The following STK17B variants were observed in gnomAD, a reference collection of about 807,000 sequenced individuals.
The protein encoded by STK17B is serine/threonine-protein kinase 17B.
A neutral mutation model predicts 42.0 loss-of-function variants in STK17B; 21 were observed. That is an observed-to-expected ratio of 0.50 (90% CI 0.35 to 0.72). The LOEUF is 0.72. Among genes scored for constraint, STK17B ranks in the 30% least tolerant of loss-of-function variants. The pLI is 0.00. For synonymous variants in STK17B, 143 were observed against 148.4 expected (o/e 0.96, Z 0.26); for missense variants, 349 against 446.0 (o/e 0.78, Z 1.96).
intron 2 of STK17B, among the ~76,000 whole-genome samples, chr2:196,161,499 G>A (rs1057393371): frequency 2.0e-4 from 28 of 136,634 alleles, no homozygotes; most frequent in Non-Finnish European, 3.0e-4. Context: ...CAGTGAGGTA[G>A]ATATTATAAT....
At chr2:196,148,319 G>A (rs552204310) in intron 3 of STK17B, among the ~76,000 whole-genome samples, 2 of 152,238 alleles carry the variant, frequency 1.3e-5, no homozygotes, top group Admixed American at 1.3e-4. Context: ...GACTGGCAGT[G>A]ACACCATCAC....
chr2:196,144,138 G>C (rs1699533260), intron 4 of STK17B, among the ~76,000 whole-genome samples: 1 of 151,372 alleles, frequency 6.6e-6, no homozygotes, highest in Non-Finnish European at 1.5e-5. Context: ...AGGAGTTCAA[G>C]AGTAGCCTGT....
At chr2:196,168,222 G>T (rs1349146182) in intron 1 of STK17B, among the ~76,000 whole-genome samples, 1 of 152,124 alleles carries the variant, frequency 6.6e-6, no homozygotes, top group Non-Finnish European at 1.5e-5. Flanking sequence ...CTATCCAAGG[G>T]CTGAAGTGTC....
At chr2:196,165,992 C>G (rs181753039) in intron 1 of STK17B, 45 of 152,284 alleles carry the variant, frequency 3.0e-4, no homozygotes, top group African/African-American at 9.6e-4. Context: ...CTTCTTAGTT[C>G]TGATAGCGCT....
At chr2:196,171,223 C>G (rs1699938468) in intron 1 of STK17B, 110 bp downstream of exon 1, 2 of 152,338 alleles carry the variant, frequency 1.3e-5, no homozygotes, top group East Asian at 1.9e-4. Flanking sequence ...CCGGACCGTA[C>G]CGCCTAAACC....
chr2:196,171,209 T>TA (rs2105720424), intron 1 of STK17B, 124 bp downstream of exon 1: 1 of 152,256 alleles, frequency 6.6e-6, no homozygotes, highest in African/African-American at 2.4e-5. Context: ...CAAGCCCCTC[T>TA]CAGCCGGACC....
rs1410253955 is a variant in STK17B, at chr2:196,162,881, C to G, written c.122+381G>C. ...CTCCAGCTTGAGCAACAGAGTGAGA[C>G]CCCGCCACAAACAAAAATTAAAAAA... On this transcript the variant is annotated intron_variant, in intron 2 of 7. Coordinates refer to ENST00000263955, the MANE Select transcript of STK17B (RefSeq NM_004226.4). 2.0e-5 allele frequency among the ~76,000 whole-genome samples: 3 copies of G among 151,970 alleles called. No homozygotes were observed. The South Asian group carries it at 6.2e-4, about 32-fold the overall frequency.
chr2:196,163,077 C>T (rs910516387), intron 2 of STK17B, among the ~76,000 whole-genome samples, 185 bp downstream of exon 2: 10 of 152,080 alleles, frequency 6.6e-5, no homozygotes, highest in African/African-American at 2.4e-4. Flanking sequence ...TTTAAGTTCA[C>T]TAAACCCTCC....
chr2:196,171,376 G>A lies in STK17B; in HGVS notation c.-88C>T, dbSNP rs959032854. 1 of 152,362 alleles carries A rather than the reference G, an allele frequency of 6.6e-6. No homozygotes were observed. The highest frequency in any genetic ancestry group is 6.5e-5 in the Admixed American group (1 of 15,288). The allele number at this position is 152,362 out of a possible 1,614,324, so 9.4% of individuals were successfully genotyped here. On this transcript the variant is annotated 5_prime_UTR_variant, in exon 1 of 8. Transcript: ENST00000263955. Reference sequence around the variant, plus strand: ...TTCTCCCGGGACTGCCCCCTCCAGGGGGCCGCTGTCCCGCCCCACGCCGGG... The same window carrying A: ...TTCTCCCGGGACTGCCCCCTCCAGGAGGCCGCTGTCCCGCCCCACGCCGGG...
intron 3 of STK17B, chr2:196,153,255 C>CAAAAAAAAAAAAAAAAAAAAAAA (rs397704679): frequency 9.2e-6 from 1 of 108,590 alleles, no homozygotes; most frequent in Non-Finnish European, 1.9e-5. Context: ...AAACAATGTC[C>CAAAAAAAAAAAAAAAAAAAAAAA]AAAAAAAAAA....
At chr2:196,167,344 T>G (rs1699886090) in intron 1 of STK17B, among the ~76,000 whole-genome samples, 1 of 152,196 alleles carries the variant, frequency 6.6e-6, no homozygotes, top group African/African-American at 2.4e-5. Context: ...TGCCACCCGG[T>G]AGGAATTTTA....
chr2:196,176,038 C>A (rs1699993908), upstream of STK17B, among the ~76,000 whole-genome samples: 1 of 152,320 alleles, frequency 6.6e-6, no homozygotes, highest in African/African-American at 2.4e-5. Context: ...TCACATCAGA[C>A]ATACTTCAGA....
intron 3 of STK17B, among the ~76,000 whole-genome samples, chr2:196,147,918 T>C (rs1024439291): frequency 6.6e-6 from 1 of 151,948 alleles, no homozygotes. Flanking sequence ...TTATTAGAGA[T>C]AAGGTTTCGC....
intron 5 of STK17B, among the ~76,000 whole-genome samples, chr2:196,141,712 C>T (rs139245308): frequency 2.0e-5 from 3 of 151,922 alleles, no homozygotes; most frequent in African/African-American, 2.4e-5. Flanking sequence ...TGATATAAGA[C>T]GATAGAAATT....
chr2:196,148,928 G>C (rs996334831), intron 3 of STK17B, among the ~76,000 whole-genome samples: 1 of 152,148 alleles, frequency 6.6e-6, no homozygotes, highest in Non-Finnish European at 1.5e-5. Context: ...GACTGCCTGG[G>C]TTTCACTCTA....
At chr2:196,167,965 A>C (rs1699891888) in intron 1 of STK17B, among the ~76,000 whole-genome samples, 1 of 152,224 alleles carries the variant, frequency 6.6e-6, no homozygotes, top group Non-Finnish European at 1.5e-5. Context: ...TAAAGGAAGA[A>C]CTTTCTCCTG....
chr2:196,170,031 C>T (rs987646827), intron 1 of STK17B, among the ~76,000 whole-genome samples: 1 of 152,178 alleles, frequency 6.6e-6, no homozygotes, highest in Non-Finnish European at 1.5e-5. Flanking sequence ...GAGTTTAAAA[C>T]TTTTGCACCG....
rs571372013 is a variant in STK17B, at chr2:196,143,512, TA to T, written c.607+47del. 51 of 1,510,968 alleles carry T rather than the reference TA, an allele frequency of 3.4e-5. No individual in the cohort carries two copies. In the East Asian group the frequency reaches 1.0e-3, roughly 31 times the overall value. 93.6% of individuals were successfully genotyped at this position (1,510,968 alleles called of 1,614,324 possible). A position where few individuals can be genotyped will look rare whatever the true frequency, so the allele number is the denominator to read the frequency against. ...AATATAGTTCTACAGAGGTATCATT[TA>T]CTTAATAAATTTCAAAATGGTATAG... On this transcript the variant is annotated intron_variant, in intron 5 of 7. Coordinates refer to ENST00000263955, the MANE Select transcript of STK17B (RefSeq NM_004226.4).
Position 196,133,676 on chromosome 2 carries a change from A to C in STK17B, c.*3771T>G, listed in dbSNP as rs1167107810. The C allele has an allele frequency of 6.6e-6, 1 of 152,248 alleles. No individual in the cohort carries two copies. Among genetic ancestry groups the C allele is most frequent in the Non-Finnish European group, 1.5e-5 (1 of 68,032 alleles). 9.4% of individuals were successfully genotyped at this position (152,248 alleles called of 1,614,324 possible). On this transcript the variant is annotated 3_prime_UTR_variant, in exon 8 of 8. Coordinates refer to ENST00000263955, the MANE Select transcript of STK17B (RefSeq NM_004226.4). ...TGCAGACATACTTTTAAGAACAATA[A>C]ATTTAGAAATGCTTTGAAACAAATG...
Sources: gnomAD v4.1 joint callset for allele counts (sites outside exome capture counted in the v4.1 genomes callset) on GRCh38, gnomAD v4.1.1 for gene constraint, MANE v1.5 for transcripts, NCBI Gene and HGNC (gene_info 2026-07-23, HGNC 2026-07-21) for gene names.